SPDYE2: variants seen among roughly 807,000 people sequenced by gnomAD.
The protein encoded by SPDYE2 is speedy/RINGO cell cycle regulator family member E2.
For synonymous variants in SPDYE2, 2 were observed against 45.1 expected (o/e 0.04, Z 3.83); for missense variants, 1 against 121.0 (o/e 0.01, Z 4.65).
intron 6 of SPDYE2, among the ~76,000 whole-genome samples, chr7:102,559,782 ATTTCT>A (rs1287403697): frequency 6.3e-5 from 1 of 15,830 alleles, no homozygotes; most frequent in African/African-American, 1.8e-4. Flanking sequence ...AATGTATTCA[ATTTCT>A]TTTATTTTTT....
chr7:102,564,529 T>C (rs1397933283), downstream of SPDYE2: 1 of 148,110 alleles, frequency 6.8e-6, no homozygotes. Flanking sequence ...TTTTTGGAGT[T>C]GGGGTCTTGC....
intron 2 of SPDYE2, among the ~76,000 whole-genome samples, chr7:102,553,732 G>GA (rs1563694183): frequency 3.6e-5 from 1 of 27,502 alleles, no homozygotes; most frequent in Non-Finnish European, 1.8e-4. Flanking sequence ...TCCAAAAAAA[G>GA]AAAAAAAAGA....
At chr7:102,555,260 A>AG (rs1800751120) in intron 3 of SPDYE2, among the ~76,000 whole-genome samples, 2 of 112,886 alleles carry the variant, frequency 1.8e-5, no homozygotes, top group African/African-American at 6.9e-5. Context: ...AAAAAAAAAA[A>AG]GAAGGAAGGA....
chr7:102,557,252 G>GTTC, intron 5 of SPDYE2, 30 bp downstream of exon 5: 1 of 487,688 alleles, frequency 2.1e-6, no homozygotes, highest in Non-Finnish European at 3.4e-6. Flanking sequence ...AACTGTTCCT[G>GTTC]TTCCAACGCA....
At chr7:102,555,297 A>G (rs79832678) in intron 3 of SPDYE2, among the ~76,000 whole-genome samples, 20 of 130,072 alleles carry the variant, frequency 1.5e-4, no homozygotes, top group South Asian at 2.5e-4. Flanking sequence ...GAAGGAGCAC[A>G]TGAGGAGGGT....
exon 9 of SPDYE2, chr7:102,562,660 TAA>T (rs1800912856): frequency 1.4e-5 from 1 of 69,682 alleles, no homozygotes; most frequent in Non-Finnish European, 2.9e-5. Flanking sequence ...TTTTCATTTT[TAA>T]GAGACAATTC....
intron 3 of SPDYE2, among the ~76,000 whole-genome samples, 151 bp downstream of exon 3, chr7:102,554,728 A>G (rs1800713741): frequency 7.4e-6 from 1 of 134,962 alleles, no homozygotes; most frequent in African/African-American, 2.7e-5. Context: ...CATGAGGGAC[A>G]CTTAGGAGAC....
At chr7:102,563,675 T>C (rs1450645042), downstream of SPDYE2, 1 of 31,922 alleles carries the variant, frequency 3.1e-5, no homozygotes, top group Non-Finnish European at 7.5e-5. Context: ...TAAGGCTGGG[T>C]GCAGTGCTCA....
At chr7:102,551,385 C>T (rs1273474047) in intron 1 of SPDYE2, 97 bp downstream of exon 1, 1 of 150,748 alleles carries the variant, frequency 6.6e-6, no homozygotes, top group Non-Finnish European at 1.5e-5. Flanking sequence ...GGGGTCAGAA[C>T]ATTGATCTTC....
Position 102,561,046 on chromosome 7 carries a change from AG to A in SPDYE2, c.1149+55del, listed in dbSNP as rs1800885767. Reference sequence around the variant, plus strand: ...GGTGGGGAGGAATTGGGTGGGCTGGAGGCTGGATGAGGGGAGAGAGGGGTAT... The same window carrying A: ...GGTGGGGAGGAATTGGGTGGGCTGGAGCTGGATGAGGGGAGAGAGGGGTAT... On this transcript the variant is annotated intron_variant, in intron 7 of 8. Transcript: ENST00000507918. 7 of 206,526 alleles carry A rather than the reference AG, an allele frequency of 3.4e-5. 1 individual carries two copies. The highest frequency in any genetic ancestry group is 5.7e-5 in the Non-Finnish European group (6 of 105,824). The allele number at this position is 206,526 out of a possible 1,614,324, so 12.8% of individuals were successfully genotyped here.
exon 9 of SPDYE2, chr7:102,563,014 AAT>A (rs1800932902): frequency 6.7e-6 from 1 of 148,784 alleles, no homozygotes; most frequent in Non-Finnish European, 1.5e-5. Flanking sequence ...ATATTTATTA[AAT>A]ATATTTATTT....
Sources: gnomAD v4.1 joint callset for allele counts (sites outside exome capture counted in the v4.1 genomes callset) on GRCh38, gnomAD v4.1.1 for gene constraint, MANE v1.5 for transcripts, NCBI Gene and HGNC (gene_info 2026-07-23, HGNC 2026-07-21) for gene names.